The following PTPRD variants were observed in gnomAD, a reference collection of about 807,000 sequenced individuals.
PTPRD encodes protein tyrosine phosphatase receptor type D, also known as receptor-type tyrosine-protein phosphatase delta.
A neutral mutation model predicts 214.5 loss-of-function variants in PTPRD; 34 were observed. The ratio of observed to expected loss-of-function variants is 0.16; its 90% confidence interval spans 0.12 to 0.21. PTPRD has a LOEUF of 0.21. Ranked by LOEUF, PTPRD falls within the 10% of genes least tolerant of loss-of-function variation. PTPRD has a pLI of 1.00. For synonymous variants in PTPRD, 1,128 were observed against 845.7 expected (o/e 1.33, Z -5.79); for missense variants, 2,545 against 2,398.7 (o/e 1.06, Z -1.27).
At chr9:8,579,479 G>C (rs1016987336) in intron 14 of PTPRD, among the ~76,000 whole-genome samples, 1 of 152,110 alleles carries the variant, frequency 6.6e-6, no homozygotes, top group African/African-American at 2.4e-5. Flanking sequence ...ACGTTCATTT[G>C]TTCACACTGA....
intron 5 of PTPRD, among the ~76,000 whole-genome samples, chr9:9,895,536 G>C (rs972619728): frequency 2.0e-5 from 3 of 151,928 alleles, no homozygotes; most frequent in African/African-American, 4.8e-5. Flanking sequence ...ATGATGAAAA[G>C]TTTATCTCAT....
chr9:9,792,451 G>C lies in PTPRD; in HGVS notation c.-367-25600C>G, dbSNP rs142315691. 1.0e-3 allele frequency among the ~76,000 whole-genome samples: 154 copies of C among 152,192 alleles called. 2 individuals are homozygous for C. The East Asian group carries it at 0.029, about 29-fold the overall frequency. The stretch of plus-strand genomic sequence containing the variant: ...TATAGCACTCTTTTTTTGTACATTA[G>C]TGTAACCTAATGATGTTCAATTTTT... On this transcript the variant is annotated intron_variant, in intron 5 of 45. Transcript: ENST00000381196.
At position 10,422,943 on chromosome 9, in the gene PTPRD, TC is replaced by T. The variant is rs1253764043; in HGVS notation, c.-599-81927del. On this transcript the variant is annotated intron_variant, in intron 2 of 45. Coordinates refer to ENST00000381196, the MANE Select transcript of PTPRD (RefSeq NM_002839.4). ...CTAGAAATACCATTTGACCCAGCCATCCCATTACTGGGTATATACCCAAAGG... is the reference window on the plus strand; with the variant it reads ...CTAGAAATACCATTTGACCCAGCCATCCATTACTGGGTATATACCCAAAGG... 1.2e-4 allele frequency among the ~76,000 whole-genome samples: 18 copies of T among 152,170 alleles called. No individual in the cohort carries two copies. The East Asian group carries it at 3.3e-3, about 28-fold the overall frequency.
At chr9:9,940,743 A>T (rs73643826) in intron 4 of PTPRD, among the ~76,000 whole-genome samples, 4,019 of 152,274 alleles carry the variant, frequency 0.026, 200 homozygotes, top group African/African-American at 0.092. Context: ...CTAATTGATC[A>T]TGTATTTTCA....
At chr9:10,124,094 C>T (rs1358106802) in intron 3 of PTPRD, among the ~76,000 whole-genome samples, 1 of 152,138 alleles carries the variant, frequency 6.6e-6, no homozygotes. Context: ...ACTGGCCAGA[C>T]TTAACTTGAA....
At chr9:8,809,671 T>C (rs567871903) in intron 11 of PTPRD, among the ~76,000 whole-genome samples, 2 of 152,174 alleles carry the variant, frequency 1.3e-5, no homozygotes, top group African/African-American at 2.4e-5. Flanking sequence ...CTTATCTCCA[T>C]TGATTTCTAT....
intron 43 of PTPRD, among the ~76,000 whole-genome samples, chr9:8,336,815 A>G (rs1300958794): frequency 1.3e-5 from 2 of 152,172 alleles, no homozygotes; most frequent in South Asian, 2.1e-4. Flanking sequence ...ACTTCTCAGA[A>G]GAAGACACCG....
At chr9:8,554,253 T>C (rs1261664836) in intron 14 of PTPRD, among the ~76,000 whole-genome samples, 2 of 151,864 alleles carry the variant, frequency 1.3e-5, no homozygotes, top group East Asian at 3.9e-4. Context: ...AAAAAATAAA[T>C]AAAAGCTTTG....
chr9:8,947,242 T>A (rs2099071218), intron 11 of PTPRD, among the ~76,000 whole-genome samples: 1 of 151,588 alleles, frequency 6.6e-6, no homozygotes, highest in Non-Finnish European at 1.5e-5. Context: ...GGTGGGTGGA[T>A]CATGAGGTCA....
chr9:8,473,769 C>G (rs1341175208), intron 30 of PTPRD, among the ~76,000 whole-genome samples: 1 of 152,148 alleles, frequency 6.6e-6, no homozygotes, highest in African/African-American at 2.4e-5. Context: ...GAACAGCCTC[C>G]CCCACGGCAA....
At chr9:9,452,369 A>G (rs1262492482) in intron 8 of PTPRD, among the ~76,000 whole-genome samples, 2 of 151,580 alleles carry the variant, frequency 1.3e-5, no homozygotes, top group African/African-American at 4.8e-5. Context: ...ATTTCTCACT[A>G]CAATAAATTT....
At chr9:9,695,929 T>C (rs1488437538) in intron 7 of PTPRD, among the ~76,000 whole-genome samples, 1 of 152,162 alleles carries the variant, frequency 6.6e-6, no homozygotes, top group Non-Finnish European at 1.5e-5. Context: ...ATTTTGGAAG[T>C]ATTTCCTCCT....
chr9:8,802,869 G>C (rs2096599536), intron 11 of PTPRD, among the ~76,000 whole-genome samples: 1 of 152,012 alleles, frequency 6.6e-6, no homozygotes, highest in Non-Finnish European at 1.5e-5. Context: ...CTGGGCAACA[G>C]AGCAAGATCA....
intron 9 of PTPRD, among the ~76,000 whole-genome samples, chr9:9,303,046 A>C (rs973832363): frequency 3.9e-5 from 6 of 151,920 alleles, no homozygotes; most frequent in African/African-American, 1.4e-4. Flanking sequence ...ATAAGAGAAG[A>C]CCTTTTCTTT....
At chr9:10,140,891 C>A (rs1391112105) in intron 3 of PTPRD, among the ~76,000 whole-genome samples, 1 of 151,822 alleles carries the variant, frequency 6.6e-6, no homozygotes, top group African/African-American at 2.4e-5. Flanking sequence ...CATCAAAAAG[C>A]TTATCCACCA....
chr9:9,299,899 A>T (rs771750070), intron 9 of PTPRD, among the ~76,000 whole-genome samples: 23 of 150,768 alleles, frequency 1.5e-4, no homozygotes, highest in Non-Finnish European at 4.4e-5. Flanking sequence ...CTAAGATCTA[A>T]TTTATACATT....
At chr9:10,016,357 TTAGATAGA>T (rs1555471278) in intron 4 of PTPRD, among the ~76,000 whole-genome samples, 120 of 97,400 alleles carry the variant, frequency 1.2e-3, no homozygotes, top group Admixed American at 3.1e-3. Flanking sequence ...GATAGAAAGA[TTAGATAGA>T]TAGATAGATA....
chr9:8,652,541 GC>G (rs2096833623), intron 12 of PTPRD, among the ~76,000 whole-genome samples: 1 of 152,188 alleles, frequency 6.6e-6, no homozygotes, highest in Non-Finnish European at 1.5e-5. Context: ...CAACAGAGCT[GC>G]ACTGACCAGG....
chr9:10,179,848 T>C (rs2099271612), intron 3 of PTPRD, among the ~76,000 whole-genome samples: 1 of 152,106 alleles, frequency 6.6e-6, no homozygotes, highest in Non-Finnish European at 1.5e-5. Context: ...GATGATACTA[T>C]TATTTAGGTT....
Sources: gnomAD v4.1 joint callset for allele counts (sites outside exome capture counted in the v4.1 genomes callset) on GRCh38, gnomAD v4.1.1 for gene constraint, MANE v1.5 for transcripts, NCBI Gene and HGNC (gene_info 2026-07-23, HGNC 2026-07-21) for gene names.